The following GNPTAB variants were observed in gnomAD, a reference collection of about 807,000 sequenced individuals.
GNPTAB encodes the protein N-acetylglucosamine-1-phosphotransferase subunits alpha/beta.
GNPTAB carries 92 observed loss-of-function variants against 136.6 expected under a neutral mutation model. The ratio of observed to expected loss-of-function variants is 0.67; its 90% CI spans 0.57 to 0.80. GNPTAB has a LOEUF of 0.80. GNPTAB is among the 30% of genes least tolerant of loss of function. The pLI, the probability that GNPTAB is intolerant of heterozygous loss-of-function variation, is 0.00. For synonymous variants in GNPTAB, 512 were observed against 535.1 expected (o/e 0.96, Z 0.60); for missense variants, 1,343 against 1,501.8 (o/e 0.89, Z 1.75).
intron 1 of GNPTAB, among the ~76,000 whole-genome samples, chr12:101,826,379 C>T (rs1162896251): frequency 1.3e-5 from 2 of 152,206 alleles, no homozygotes. Flanking sequence ...TACACATACA[C>T]ATATACACAC....
Position 101,745,692 on chromosome 12 carries a change from T to G in GNPTAB, c.*1472A>C, listed in dbSNP as rs538242599. On this transcript the variant is annotated 3_prime_UTR_variant, in exon 21 of 21. Coordinates refer to ENST00000299314, the MANE Select transcript of GNPTAB (RefSeq NM_024312.5). ...ATCTGCTCTTCACAAATCCATTGTA[T>G]TATGACATAAAATATGGCTAGACGC... is the stretch of plus-strand genomic sequence containing the variant. 1.1e-4 allele frequency: 16 copies of G among 152,336 alleles called. No individual in the cohort carries two copies. Among genetic ancestry groups the G allele is most frequent in the African/African-American group, 3.8e-4 (16 of 41,576 alleles). The allele number at this position is 152,336 out of a possible 1,614,324, so 9.4% of individuals were successfully genotyped here.
In GNPTAB at chr12:101,766,017, A is replaced by G. The variant is rs1953086613; in HGVS notation, c.1612+74T>C. On this transcript the variant is annotated intron_variant, in intron 12 of 20. Coordinates refer to ENST00000299314, the MANE Select transcript of GNPTAB (RefSeq NM_024312.5). ...GAGAATCATTATTTTAAATAACAAA[A>G]GCCATTCAAAACTCTCTCTACCTGT... 2.5e-6 allele frequency: 3 copies of G among 1,202,864 alleles called. No homozygotes were observed. In the Admixed American group the frequency reaches 5.0e-5, roughly 20 times the overall value. 74.5% of individuals were successfully genotyped at this position (1,202,864 alleles called of 1,614,324 possible). A position where few individuals can be genotyped will look rare whatever the true frequency, so the allele number is the denominator to read the frequency against.
intron 5 of GNPTAB, among the ~76,000 whole-genome samples, chr12:101,782,239 A>ACT (rs750195678): frequency 0.64 from 96,667 of 151,308 alleles, 32,189 homozygotes; most frequent in East Asian, 0.92. Context: ...ACCTTTATAT[A>ACT]TGGTACCAAA....
intron 7 of GNPTAB, among the ~76,000 whole-genome samples, chr12:101,776,107 C>T (rs965429537): frequency 6.6e-6 from 1 of 152,206 alleles, no homozygotes; most frequent in East Asian, 1.9e-4. Context: ...ATCTCCTCCA[C>T]GTTTTGCACA....
chr12:101,797,916 T>C (rs1869390704), intron 1 of GNPTAB, among the ~76,000 whole-genome samples: 1 of 152,130 alleles, frequency 6.6e-6, no homozygotes, highest in Non-Finnish European at 1.5e-5. Context: ...AGACCTTGCC[T>C]CTCTTTTCCT....
rs1276674311 is a variant in GNPTAB at position 101,745,744 on chromosome 12, T to C, written c.*1420A>G. On this transcript the variant is annotated 3_prime_UTR_variant, in exon 21 of 21. Coordinates refer to ENST00000299314, the MANE Select transcript of GNPTAB (RefSeq NM_024312.5). ...AAGGTTTAACCATACATAAAAATAC[T>C]AATTCTCGGCTGGGTGCACTGGCTT... 1 of 152,200 alleles carries C rather than the reference T, an allele frequency of 6.6e-6. No homozygotes were observed. Among genetic ancestry groups the C allele is most frequent in the Non-Finnish European group, 1.5e-5 (1 of 68,034 alleles). 9.4% of individuals were successfully genotyped at this position (152,200 alleles called of 1,614,324 possible).
intron 2 of GNPTAB, 181 bp downstream of exon 2, chr12:101,796,496 T>A (rs1869298508): frequency 3.2e-6 from 2 of 618,810 alleles, no homozygotes; most frequent in Non-Finnish European, 5.7e-6. Flanking sequence ...TTCCAGTTTT[T>A]TTTTCCTTTT....
chr12:101,829,851 C>T (rs543621348), intron 1 of GNPTAB, among the ~76,000 whole-genome samples: 18 of 152,202 alleles, frequency 1.2e-4, no homozygotes, highest in Middle Eastern at 6.8e-3. Context: ...CAGTACCTGG[C>T]ACTGTGCTTG....
At chr12:101,777,161 G>A (rs1475263425) in intron 7 of GNPTAB, among the ~76,000 whole-genome samples, 1 of 152,186 alleles carries the variant, frequency 6.6e-6, no homozygotes, top group Non-Finnish European at 1.5e-5. Flanking sequence ...AAGTGATGTT[G>A]AGTGTTTCTC....
At chr12:101,783,769 C>G (rs1238411207) in intron 5 of GNPTAB, among the ~76,000 whole-genome samples, 1 of 151,156 alleles carries the variant, frequency 6.6e-6, no homozygotes, top group East Asian at 1.9e-4. Context: ...GGCTGGAGAT[C>G]AGTGGTGCAA....
At chr12:101,827,634 TGA>T (rs1871157019) in intron 1 of GNPTAB, among the ~76,000 whole-genome samples, 2 of 152,132 alleles carry the variant, frequency 1.3e-5, no homozygotes, top group Non-Finnish European at 2.9e-5. Flanking sequence ...CCTGTTATAT[TGA>T]GAGGAGGAGA....
chr12:101,775,496 A>ACACG (rs1451855675), intron 7 of GNPTAB, among the ~76,000 whole-genome samples: 4 of 151,466 alleles, frequency 2.6e-5, no homozygotes, highest in African/African-American at 4.9e-5. Flanking sequence ...AGTAGCTGGG[A>ACACG]TTACAGGCAC....
chr12:101,765,828 C>T (rs530243577), intron 12 of GNPTAB: 10 of 447,946 alleles, frequency 2.2e-5, no homozygotes, highest in African/African-American at 2.0e-4. Context: ...ATTAAAACTT[C>T]ACCACATATT....
chr12:101,758,131 C>T lies in GNPTAB; in HGVS notation c.3250-474G>A, dbSNP rs538653208. ...TCAGCTTACTGCAACTTCCACCTCT[C>T]GGGTTCAAGTGATTCTCCTGTCTCA... is the stretch of plus-strand genomic sequence containing the variant. On this transcript the variant is annotated intron_variant, in intron 16 of 20. Coordinates refer to ENST00000299314, the MANE Select transcript of GNPTAB (RefSeq NM_024312.5). Among the ~76,000 whole-genome samples the T allele has an allele frequency of 2.0e-3, 310 of 151,630 alleles. 2 individuals are homozygous for T. Among genetic ancestry groups the T allele is most frequent in the Non-Finnish European group, 3.8e-3 (261 of 67,930 alleles).
intron 18 of GNPTAB, among the ~76,000 whole-genome samples, 163 bp from the exon 19 acceptor site, chr12:101,753,702 T>C (rs1952856865): frequency 6.6e-6 from 1 of 152,242 alleles, no homozygotes; most frequent in Admixed American, 6.5e-5. Context: ...AAATTTTTCT[T>C]TAGATATTCC....
chr12:101,777,745 T>A (rs1953280427), intron 7 of GNPTAB, among the ~76,000 whole-genome samples: 1 of 152,188 alleles, frequency 6.6e-6, no homozygotes, highest in Non-Finnish European at 1.5e-5. Flanking sequence ...AGAGTACTCA[T>A]AATGTAATCA....
At chr12:101,817,287 T>G (rs1323938875) in intron 1 of GNPTAB, among the ~76,000 whole-genome samples, 2 of 127,152 alleles carry the variant, frequency 1.6e-5, no homozygotes, top group Non-Finnish European at 3.2e-5. Flanking sequence ...TTTTTTTTTT[T>G]GAGACAGGGT....
chr12:101,801,462 C>A lies in GNPTAB; in HGVS notation c.118-4700G>T, dbSNP rs538181660. On this transcript the variant is annotated intron_variant, in intron 1 of 20. Coordinates refer to ENST00000299314, the MANE Select transcript of GNPTAB (RefSeq NM_024312.5). ...GGCTGAAGCGGCAGAATCGCTTGAG[C>A]CTAGGAGGTGGAAGTTGCAGTGAGC... Among the ~76,000 whole-genome samples, 3 of 137,364 alleles carry A rather than the reference C, an allele frequency of 2.2e-5. No individual in the cohort carries two copies. The South Asian group carries it at 6.9e-4, about 32-fold the overall frequency. The allele number at this position is 137,364 out of a possible 152,430, so 90.1% of individuals were successfully genotyped here.
chr12:101,830,008 AAAAAAAAAAAAAAAG>A (rs987064230), intron 1 of GNPTAB, among the ~76,000 whole-genome samples: 8 of 149,538 alleles, frequency 5.3e-5, no homozygotes, highest in African/African-American at 1.7e-4. Flanking sequence ...TCCTACCAAA[AAAAAAAAAAAAAAAG>A]AAAAAGAAAA....
Sources: allele counts gnomAD v4.1 joint callset (sites outside exome capture counted in the v4.1 genomes callset), GRCh38; gene constraint gnomAD v4.1.1; transcripts MANE v1.5; gene names NCBI Gene and HGNC (gene_info 2026-07-23, HGNC 2026-07-21).